The following NR1H4 variants were observed in gnomAD, a reference collection of about 807,000 sequenced individuals.
The protein encoded by NR1H4 is nuclear receptor subfamily 1 group H member 4, also known as bile acid receptor.
NR1H4 carries 23 observed loss-of-function variants against 58.5 expected under a neutral mutation model. That is an observed-to-expected ratio of 0.39 (90% CI 0.28 to 0.56). The LOEUF (loss-of-function observed/expected upper bound fraction) is 0.56, where lower values mean the gene tolerates loss of function less well. Ranked by LOEUF, NR1H4 falls within the 20% of genes least tolerant of loss-of-function variation. The pLI is 0.58. For missense variants in NR1H4, 487 were observed against 576.9 expected, an observed-to-expected ratio of 0.84 and a Z score of 1.60; for synonymous variants, 214 against 198.0, an observed-to-expected ratio of 1.08 and a Z score of -0.68.
At chr12:100,503,435 T>G (rs1953881883) in intron 3 of NR1H4, 1 of 1,597,688 alleles carries the variant, frequency 6.3e-7, no homozygotes, top group Non-Finnish European at 8.5e-7. Context: ...AAATTAGTCC[T>G]CACTGCAGCT....
intron 9 of NR1H4, among the ~76,000 whole-genome samples, chr12:100,541,289 C>CTT (rs60527013): frequency 1.4e-5 from 2 of 144,616 alleles, no homozygotes; most frequent in Non-Finnish European, 3.1e-5. Flanking sequence ...TTCTTCCTTT[C>CTT]TTTTTTTTTT....
At chr12:100,478,181 T>A (rs1015628353) in intron 1 of NR1H4, among the ~76,000 whole-genome samples, 20 of 151,572 alleles carry the variant, frequency 1.3e-4, no homozygotes, top group African/African-American at 4.8e-4. Context: ...GCTGTGCATG[T>A]GTGTGGGGGG....
At chr12:100,493,515 C>A in intron 3 of NR1H4, 113 bp downstream of exon 3, 3 of 675,638 alleles carry the variant, frequency 4.4e-6, no homozygotes, top group South Asian at 1.6e-5. Context: ...GTTTTTGTTC[C>A]TTCCAAGTAC....
intron 8 of NR1H4, among the ~76,000 whole-genome samples, chr12:100,539,754 G>C (rs1954894410): frequency 6.6e-6 from 1 of 152,214 alleles, no homozygotes; most frequent in African/African-American, 2.4e-5. Context: ...AGAGGTGGCA[G>C]ACAATTAACA....
intron 5 of NR1H4, among the ~76,000 whole-genome samples, chr12:100,532,840 CTA>C (rs1383400185): frequency 6.6e-6 from 1 of 152,166 alleles, no homozygotes; most frequent in Non-Finnish European, 1.5e-5. Context: ...TCGCAGTGAA[CTA>C]TACATGGAGC....
At chr12:100,508,721 A>G (rs1185889309) in intron 3 of NR1H4, among the ~76,000 whole-genome samples, 1 of 152,170 alleles carries the variant, frequency 6.6e-6, no homozygotes, top group African/African-American at 2.4e-5. Context: ...AAATGTGGTA[A>G]TAGTAATCAT....
rs150843904 is a variant in NR1H4, at chr12:100,556,292, A to G, written c.1079-5593A>G. On this transcript the variant is annotated intron_variant, in intron 9 of 10. Coordinates refer to ENST00000392986, the MANE Select transcript of NR1H4 (RefSeq NM_001206979.2). ...AGACCAGCCTGACCAACATGGAGAA[A>G]CCCCGTATCTACTAAAAATATAAAA... is the stretch of plus-strand genomic sequence containing the variant. Among the ~76,000 whole-genome samples, 714 of 151,892 alleles carry G rather than the reference A, an allele frequency of 4.7e-3. 9 individuals carry two copies. The highest frequency in any genetic ancestry group is 0.016 in the African/African-American group (664 of 41,410).
chr12:100,498,166 G>A (rs1034368910), intron 3 of NR1H4, among the ~76,000 whole-genome samples: 7 of 152,218 alleles, frequency 4.6e-5, no homozygotes, highest in South Asian at 2.1e-4. Flanking sequence ...GTGGGAAAGC[G>A]CTCTGTAAGC....
chr12:100,482,247 A>T (rs1005742801), intron 1 of NR1H4, among the ~76,000 whole-genome samples: 1 of 152,144 alleles, frequency 6.6e-6, no homozygotes, highest in Non-Finnish European at 1.5e-5. Flanking sequence ...CCATTCACTA[A>T]TTAGTCTACA....
At chr12:100,483,312 AAG>A (rs1953420888) in intron 1 of NR1H4, among the ~76,000 whole-genome samples, 3 of 152,350 alleles carry the variant, frequency 2.0e-5, no homozygotes, top group Non-Finnish European at 2.9e-5. Context: ...ATATCAGTAT[AAG>A]TTGATCATAG....
chr12:100,556,477 A>C (rs906246561), intron 9 of NR1H4, among the ~76,000 whole-genome samples: 2 of 151,644 alleles, frequency 1.3e-5, no homozygotes, highest in East Asian at 3.9e-4. Context: ...CAAAGAAAAA[A>C]AAAACAAAAA....
At chr12:100,485,212 G>C (rs1490111861) in intron 1 of NR1H4, among the ~76,000 whole-genome samples, 2 of 152,100 alleles carry the variant, frequency 1.3e-5, no homozygotes, top group Non-Finnish European at 2.9e-5. Context: ...TTCTACAAAG[G>C]ATAGACTGAA....
chr12:100,516,226 A>G (rs1041900768), intron 4 of NR1H4, among the ~76,000 whole-genome samples: 1 of 152,246 alleles, frequency 6.6e-6, no homozygotes, highest in African/African-American at 2.4e-5. Context: ...GGAAAGACAC[A>G]AAGCCTAATC....
chr12:100,533,850 G>C (rs1954750303), intron 5 of NR1H4, among the ~76,000 whole-genome samples: 2 of 151,842 alleles, frequency 1.3e-5, no homozygotes, highest in Non-Finnish European at 2.9e-5. Context: ...CGTTAAATGG[G>C]ATGAAGGGAA....
At chr12:100,520,592 G>C (rs1009289667) in intron 4 of NR1H4, among the ~76,000 whole-genome samples, 4 of 152,108 alleles carry the variant, frequency 2.6e-5, no homozygotes, top group African/African-American at 4.8e-5. Flanking sequence ...CCAGAGACGG[G>C]GCTTGCCTGC....
chr12:100,525,912 A>G (rs759864529), intron 4 of NR1H4, among the ~76,000 whole-genome samples: 8 of 152,000 alleles, frequency 5.3e-5, no homozygotes, highest in Non-Finnish European at 8.8e-5. Flanking sequence ...GCAGGCTTGG[A>G]GTTGTTCATA....
At chr12:100,557,629 G>A (rs956596877) in intron 9 of NR1H4, among the ~76,000 whole-genome samples, 1 of 152,188 alleles carries the variant, frequency 6.6e-6, no homozygotes, top group South Asian at 2.1e-4. Context: ...AGTTGCCAGT[G>A]TCTATTATTT....
In NR1H4 at chr12:100,535,843, A is replaced by G. The variant is rs1954801044; in HGVS notation, c.733-669A>G. The stretch of plus-strand genomic sequence containing the variant: ...AAAGATGCTGTAGAGGGAGAAAGAG[A>G]TGTTTGGGGTCTGAATTGTCCAGAT... On this transcript the variant is annotated intron_variant, in intron 6 of 10. Coordinates refer to ENST00000392986, the MANE Select transcript of NR1H4 (RefSeq NM_001206979.2). Among the ~76,000 whole-genome samples the G allele has an allele frequency of 4.6e-5, 7 of 152,166 alleles. No individual in the cohort carries two copies. The South Asian group carries it at 1.4e-3, about 32-fold the overall frequency.
intron 4 of NR1H4, among the ~76,000 whole-genome samples, chr12:100,515,165 CTT>C (rs59404984): frequency 1.5e-3 from 140 of 94,830 alleles, no homozygotes; most frequent in African/African-American, 5.9e-3. Context: ...TTTGTCAAAG[CTT>C]TTTTTTTTTT....
Sources: allele counts gnomAD v4.1 joint callset (sites outside exome capture counted in the v4.1 genomes callset), GRCh38; gene constraint gnomAD v4.1.1; transcripts MANE v1.5; gene names NCBI Gene and HGNC (gene_info 2026-07-23, HGNC 2026-07-21).